SMAP2: variants seen among roughly 807,000 people sequenced by gnomAD.
The protein encoded by SMAP2 is small ArfGAP2.
A neutral mutation model predicts 56.4 loss-of-function variants in SMAP2; 25 were observed. The ratio of observed to expected loss-of-function variants is 0.44; its 90% CI spans 0.32 to 0.62. SMAP2 has a LOEUF of 0.62. SMAP2 is among the 20% of genes least tolerant of loss of function. The pLI, the probability that SMAP2 is intolerant of heterozygous loss-of-function variation, is 0.04. For missense variants in SMAP2, 388 were observed against 545.6 expected (o/e 0.71, Z 2.88); for synonymous variants, 157 against 181.7 (o/e 0.86, Z 1.09).
chr1:40,377,117 C>G (rs1332356770), intron 1 of SMAP2, among the ~76,000 whole-genome samples: 1 of 151,936 alleles, frequency 6.6e-6, no homozygotes, highest in East Asian at 1.9e-4. Flanking sequence ...GTGACCTTGT[C>G]TCTACAAATA....
intron 1 of SMAP2, chr1:40,393,367 A>T (rs1355096680): frequency 4.6e-6 from 7 of 1,535,160 alleles, no homozygotes; most frequent in Non-Finnish European, 8.7e-7. Flanking sequence ...GTGCAGCAGG[A>T]GAGGCAGCAG....
intron 1 of SMAP2, among the ~76,000 whole-genome samples, chr1:40,378,962 ATTTCTTTTCT>A (rs201740296): frequency 3.4e-5 from 5 of 148,550 alleles, no homozygotes; most frequent in Non-Finnish European, 5.9e-5. Flanking sequence ...ATTGTTGGCA[ATTTCTTTTCT>A]TTTCTTTTCT....
At chr1:40,366,273 A>G (rs1426054918) in intron 2 of SMAP2, among the ~76,000 whole-genome samples, 2 of 149,464 alleles carry the variant, frequency 1.3e-5, no homozygotes, top group African/African-American at 4.9e-5. Flanking sequence ...GTTGGAAAAC[A>G]CTCTGCAGGA....
chr1:40,419,282 T>C (rs1208555583), intron 9 of SMAP2, among the ~76,000 whole-genome samples: 4 of 9,036 alleles, frequency 4.4e-4, no homozygotes, highest in Non-Finnish European at 9.9e-4. Flanking sequence ...CTTCCTTTCT[T>C]TTTTTTTTTT....
intron 1 of SMAP2, among the ~76,000 whole-genome samples, chr1:40,395,258 G>A (rs188009633): frequency 4.2e-4 from 64 of 152,250 alleles, no homozygotes; most frequent in Middle Eastern, 3.4e-3. Context: ...GAATTGAATT[G>A]ATAATAATGA....
At chr1:40,402,889 C>T (rs1644849487) in intron 1 of SMAP2, among the ~76,000 whole-genome samples, 2 of 152,102 alleles carry the variant, frequency 1.3e-5, no homozygotes, top group African/African-American at 4.8e-5. Flanking sequence ...GTAGGCTGGC[C>T]TTATAGCAGC....
chr1:40,415,465 T>C, intron 7 of SMAP2, 84 bp downstream of exon 7: 1 of 914,276 alleles, frequency 1.1e-6, no homozygotes, highest in South Asian at 1.4e-5. Flanking sequence ...ACGTCATGCT[T>C]CCTTGGTGGA....
At chr1:40,404,022 G>A (rs374145091) in intron 1 of SMAP2, among the ~76,000 whole-genome samples, 9 of 152,148 alleles carry the variant, frequency 5.9e-5, no homozygotes, top group Non-Finnish European at 1.2e-4. Flanking sequence ...CGCTTGAGGC[G>A]AGGAGTTTGA....
In SMAP2 at chr1:40,373,999, G is replaced by T; in HGVS notation, c.-122G>T. ...GCGTCCGGCGGGGCCGGAGGAGAGG[G>T]CTCTCCCCGCTCAGGAGGTGCCCCT... On this transcript the variant is annotated 5_prime_UTR_variant, in exon 1 of 10. Coordinates refer to ENST00000372718, the MANE Select transcript of SMAP2 (RefSeq NM_022733.3). 1.4e-6 allele frequency: 1 copy of T among 707,672 alleles called. No homozygotes were observed. The highest frequency in any genetic ancestry group is 2.4e-6 in the Non-Finnish European group (1 of 411,940). 43.8% of individuals were successfully genotyped at this position (707,672 alleles called of 1,614,324 possible).
intron 1 of SMAP2, among the ~76,000 whole-genome samples, chr1:40,391,072 C>G: frequency 6.6e-6 from 1 of 152,180 alleles, no homozygotes; most frequent in East Asian, 1.9e-4. Flanking sequence ...TTCCTGTCCT[C>G]TGCCCACTAG....
At chr1:40,410,507 G>A (rs1167391491) in intron 4 of SMAP2, among the ~76,000 whole-genome samples, 3 of 151,700 alleles carry the variant, frequency 2.0e-5, no homozygotes, top group Non-Finnish European at 4.4e-5. Context: ...TCCTGTAAAT[G>A]AAATCAACAA....
At chr1:40,353,239 C>G (rs1253734532) in intron 1 of SMAP2, among the ~76,000 whole-genome samples, 1 of 152,224 alleles carries the variant, frequency 6.6e-6, no homozygotes, top group Non-Finnish European at 1.5e-5. Context: ...GGGGACATTC[C>G]TTTTCTCTTC....
At chr1:40,400,871 T>C (rs1644826766) in intron 1 of SMAP2, among the ~76,000 whole-genome samples, 2 of 152,166 alleles carry the variant, frequency 1.3e-5, no homozygotes, top group African/African-American at 2.4e-5. Context: ...GCTTTTTGAA[T>C]TGAGGAATCT....
At chr1:40,416,673 A>T in intron 8 of SMAP2, 107 bp from the exon 9 acceptor site, 2 of 1,134,154 alleles carry the variant, frequency 1.8e-6, no homozygotes, top group Non-Finnish European at 2.5e-6. Context: ...CATTGTGAGT[A>T]GAGTAATCCT....
intron 1 of SMAP2, among the ~76,000 whole-genome samples, chr1:40,375,557 C>T (rs995985073): frequency 6.6e-6 from 1 of 152,138 alleles, no homozygotes; most frequent in Non-Finnish European, 1.5e-5. Context: ...AAAACAAATT[C>T]CTAGACTTCT....
At position 40,386,280 on chromosome 1, in the gene SMAP2, A is replaced by T. The variant is rs374589422; in HGVS notation, c.103+12057A>T. Among the ~76,000 whole-genome samples the T allele has an allele frequency of 1.1e-4, 16 of 152,304 alleles. No individual in the cohort carries two copies. The East Asian group carries it at 2.1e-3, about 20-fold the overall frequency. ...GCTATGTTGAAATCATTTTTACTGA[A>T]AGATTAGCTGTTTGGAACAGGGATT... On this transcript the variant is annotated intron_variant, in intron 1 of 9. Transcript: ENST00000372718. This position sits in a 1 kb window ranked among gnomAD's most constrained non-coding sequence, Gnocchi z 4.1.
In SMAP2 at chr1:40,374,692, T is replaced by C; in HGVS notation, c.103+469T>C. 1 of 1,550,204 alleles carries C rather than the reference T, an allele frequency of 6.5e-7. No homozygotes were observed. The highest frequency in any genetic ancestry group is 8.7e-7 in the Non-Finnish European group (1 of 1,146,924). On this transcript the variant is annotated intron_variant, in intron 1 of 9. Transcript: ENST00000372718. This position sits in a 1 kb window ranked among gnomAD's most constrained non-coding sequence, Gnocchi z 5.9. ...GTGAGATGGCGGAAAGGAAAACTGC[T>C]TAAATGATTTTTAAAGGTGGTGATT...
At chr1:40,359,800 A>T (rs1275056288) in intron 1 of SMAP2, among the ~76,000 whole-genome samples, 1 of 152,110 alleles carries the variant, frequency 6.6e-6, no homozygotes, top group Non-Finnish European at 1.5e-5. Context: ...AAAGAAAAAA[A>T]CTAATAAAAA....
At chr1:40,376,988 T>C (rs1644546848) in intron 1 of SMAP2, among the ~76,000 whole-genome samples, 1 of 152,174 alleles carries the variant, frequency 6.6e-6, no homozygotes, top group Non-Finnish European at 1.5e-5. Context: ...GTATGTGATT[T>C]AAACTTCGGA....
Sources: gnomAD v4.1 joint callset for allele counts (sites outside exome capture counted in the v4.1 genomes callset) on GRCh38, gnomAD v4.1.1 for gene constraint, Gnocchi (gnomAD v3.1) non-coding constraint, MANE v1.5 for transcripts, NCBI Gene and HGNC (gene_info 2026-07-23, HGNC 2026-07-21) for gene names.